ASB5: variants seen among roughly 807,000 people sequenced by gnomAD.
ASB5 encodes the protein ankyrin repeat and SOCS box containing 5, also known as ankyrin repeat and SOCS box protein 5.
Under a neutral mutation model 42.1 loss-of-function variants are expected in ASB5, and 45 were observed. The observed-to-expected ratio is 1.07, with a 90% confidence interval of 0.84 to 1.37. The LOEUF is 1.37. ASB5 is among the 40% of genes most tolerant of loss of function. The probability of loss-of-function intolerance (pLI) is 0.00; values close to 1 mark genes in which losing one functional copy is unlikely to be tolerated. For missense variants in ASB5, 402 were observed against 399.8 expected (o/e 1.01, Z -0.05); for synonymous variants, 147 against 150.6 (o/e 0.98, Z 0.18).
At chr4:176,239,059 G>C (rs1028675270) in intron 1 of ASB5, among the ~76,000 whole-genome samples, 3 of 152,144 alleles carry the variant, frequency 2.0e-5, no homozygotes, top group Admixed American at 6.5e-5. Context: ...GAAGAGGCTA[G>C]ATATTCCCAA....
chr4:176,231,043 C>A (rs1753527960), intron 1 of ASB5, among the ~76,000 whole-genome samples: 1 of 152,148 alleles, frequency 6.6e-6, no homozygotes, highest in Non-Finnish European at 1.5e-5. Context: ...CTCTTGTTCC[C>A]AGACATCTGG....
chr4:176,221,426 C>T (rs751906631), intron 4 of ASB5, 24 bp downstream of exon 4: 2 of 1,608,272 alleles, frequency 1.2e-6, no homozygotes, highest in South Asian at 2.2e-5. Context: ...CTTCCCTTGT[C>T]ACTTAATCCC....
intron 5 of ASB5, among the ~76,000 whole-genome samples, chr4:176,218,078 A>G (rs1396799800): frequency 4.0e-5 from 6 of 148,976 alleles, no homozygotes; most frequent in Non-Finnish European, 8.9e-5. Context: ...ATGGAAGAAA[A>G]GGGTCTGAAA....
intron 2 of ASB5, among the ~76,000 whole-genome samples, chr4:176,224,080 G>A (rs1455864520): frequency 3.3e-5 from 5 of 152,090 alleles, no homozygotes; most frequent in Non-Finnish European, 5.9e-5. Context: ...GCCAGCCTAG[G>A]ATCCAGGTCT....
chr4:176,245,502 A>T (rs1753893587), intron 1 of ASB5, among the ~76,000 whole-genome samples: 1 of 152,186 alleles, frequency 6.6e-6, no homozygotes, highest in South Asian at 2.1e-4. Context: ...TTCCTCAAGG[A>T]TCTAGAACTA....
chr4:176,227,809 T>C (rs560211921), intron 1 of ASB5, among the ~76,000 whole-genome samples: 1 of 152,302 alleles, frequency 6.6e-6, no homozygotes, highest in Admixed American at 6.5e-5. Context: ...CTCTCTCTCA[T>C]GCACAGAGTC....
At chr4:176,249,878 A>G (rs1348463991) in intron 1 of ASB5, among the ~76,000 whole-genome samples, 1 of 151,576 alleles carries the variant, frequency 6.6e-6, no homozygotes, top group African/African-American at 2.4e-5. Context: ...ATCCTGGCTA[A>G]CACAGTGAAA....
chr4:176,265,476 A>G (rs1003554603), intron 1 of ASB5, among the ~76,000 whole-genome samples: 1 of 152,188 alleles, frequency 6.6e-6, no homozygotes, highest in Non-Finnish European at 1.5e-5. Flanking sequence ...TTTGCCTTTT[A>G]TGTATACCGT....
At chr4:176,216,771 G>C in intron 6 of ASB5, 47 bp downstream of exon 6, 2 of 1,455,180 alleles carry the variant, frequency 1.4e-6, no homozygotes, top group Non-Finnish European at 1.8e-6. Flanking sequence ...ATCTATTTTA[G>C]GCAAATATAT....
rs1185132782 is a variant in ASB5, at chr4:176,219,577, T to C, written c.670+1578A>G. Among the ~76,000 whole-genome samples, 49 of 8,914 alleles carry C rather than the reference T, an allele frequency of 5.5e-3. 12 individuals carry two copies. Among genetic ancestry groups the C allele is most frequent in the African/African-American group, 0.038 (48 of 1,252 alleles). The allele number at this position is 8,914 out of a possible 152,430, so 5.8% of individuals were successfully genotyped here. On this transcript the variant is annotated intron_variant, in intron 5 of 6. Coordinates refer to ENST00000296525, the MANE Select transcript of ASB5 (RefSeq NM_080874.4). ...TATAAATATGTATATATTTGTATGA[T>C]ATATATATATATATATATATATATA...
intron 1 of ASB5, among the ~76,000 whole-genome samples, chr4:176,242,913 T>C (rs9790840): frequency 0.51 from 77,408 of 152,046 alleles, 20,340 homozygotes; most frequent in African/African-American, 0.64. Flanking sequence ...CAGTTATATG[T>C]TCCCTATCAG....
intron 1 of ASB5, among the ~76,000 whole-genome samples, chr4:176,259,424 A>G (rs10520340): frequency 0.11 from 16,368 of 152,232 alleles, 1,126 homozygotes; most frequent in Non-Finnish European, 0.14. Flanking sequence ...ATAAGTGCAC[A>G]TAAATCTCCT....
At chr4:176,274,424 G>T (rs976415588) in intron 2 of ASB5, among the ~76,000 whole-genome samples, 1 of 152,268 alleles carries the variant, frequency 6.6e-6, no homozygotes, top group East Asian at 1.9e-4. Flanking sequence ...TATGAAGCGG[G>T]TATCATTATC....
intron 1 of ASB5, among the ~76,000 whole-genome samples, chr4:176,248,873 G>A (rs751067400): frequency 2.0e-5 from 3 of 152,194 alleles, no homozygotes; most frequent in Non-Finnish European, 2.9e-5. Flanking sequence ...GATGGGAGAA[G>A]GAGAAGGTAT....
chr4:176,235,435 G>T (rs1753661166), intron 1 of ASB5, among the ~76,000 whole-genome samples: 1 of 151,918 alleles, frequency 6.6e-6, no homozygotes. Flanking sequence ...TGTTTGTAAG[G>T]TTTTTAACTG....
chr4:176,226,712 C>T (rs1235557981), intron 1 of ASB5, among the ~76,000 whole-genome samples: 1 of 152,198 alleles, frequency 6.6e-6, no homozygotes, highest in Non-Finnish European at 1.5e-5. Flanking sequence ...AACCCCTCCT[C>T]TCAATTTTGT....
chr4:176,232,973 T>G lies in ASB5; in HGVS notation c.197-7632A>C, dbSNP rs546693082. Among the ~76,000 whole-genome samples the G allele has an allele frequency of 7.9e-5, 12 of 152,302 alleles. 1 individual carries two copies. The South Asian group carries it at 2.5e-3, about 32-fold the overall frequency. The stretch of plus-strand genomic sequence containing the variant: ...CTATAAGATAGACCTGAGTTCAAAT[T>G]CCAGCATAGATATTTACTAGTTATG... On this transcript the variant is annotated intron_variant, in intron 1 of 6. Coordinates refer to ENST00000296525, the MANE Select transcript of ASB5 (RefSeq NM_080874.4).
At chr4:176,263,565 C>T (rs17628329) in intron 1 of ASB5, among the ~76,000 whole-genome samples, 10,323 of 152,120 alleles carry the variant, frequency 0.068, 483 homozygotes, top group Middle Eastern at 0.12. Flanking sequence ...GCAGTTCTAT[C>T]GATTCCAGTT....
intron 1 of ASB5, among the ~76,000 whole-genome samples, chr4:176,225,552 C>G (rs1470733671): frequency 6.6e-6 from 1 of 151,224 alleles, no homozygotes; most frequent in Non-Finnish European, 1.5e-5. Flanking sequence ...GATGCATGCT[C>G]TGGAATTGAC....
Sources: allele counts gnomAD v4.1 joint callset (sites outside exome capture counted in the v4.1 genomes callset), GRCh38; gene constraint gnomAD v4.1.1; transcripts MANE v1.5; gene names NCBI Gene and HGNC (gene_info 2026-07-23, HGNC 2026-07-21).